ABCC6: variants seen among roughly 807,000 people sequenced by gnomAD.
ABCC6 encodes ATP binding cassette subfamily C member 6, also known as ATP-binding cassette sub-family C member 6.
A neutral mutation model predicts 169.5 loss-of-function variants in ABCC6; 126 were observed. The observed-to-expected ratio is 0.74, with a 90% CI of 0.64 to 0.86. The LOEUF (loss-of-function observed/expected upper bound fraction) is 0.86, where lower values mean the gene tolerates loss of function less well. ABCC6 is among the 40% of genes least tolerant of loss of function. The pLI is 0.00. For missense variants in ABCC6, 1,733 were observed against 1,927.2 expected (o/e 0.90, Z 1.89); for synonymous variants, 752 against 814.7 (o/e 0.92, Z 1.31).
chr16:16,178,175 A>C (rs1415209665), intron 18 of ABCC6, among the ~76,000 whole-genome samples: 2 of 151,846 alleles, frequency 1.3e-5, no homozygotes, highest in African/African-American at 2.4e-5. Context: ...AAAATACAAA[A>C]AATTAGCTGG....
intron 6 of ABCC6, among the ~76,000 whole-genome samples, chr16:16,211,429 A>C (rs558136916): frequency 1.4e-4 from 22 of 152,178 alleles, no homozygotes; most frequent in East Asian, 1.9e-4. Context: ...TTACCACTTA[A>C]ACTCATTATT....
intron 20 of ABCC6, among the ~76,000 whole-genome samples, chr16:16,174,444 C>T (rs913016508): frequency 2.0e-5 from 3 of 152,194 alleles, no homozygotes; most frequent in South Asian, 2.1e-4. Context: ...GCCCGATGTG[C>T]GGATCATTCT....
At chr16:16,192,670 G>T (rs938031963) in intron 11 of ABCC6, among the ~76,000 whole-genome samples, 160 bp downstream of exon 11, 1 of 152,130 alleles carries the variant, frequency 6.6e-6, no homozygotes, top group African/African-American at 2.4e-5. Flanking sequence ...GAGGATAGGG[G>T]GAGGGGGTGC....
chr16:16,211,189 G>A (rs2048605964), intron 6 of ABCC6, among the ~76,000 whole-genome samples: 1 of 151,974 alleles, frequency 6.6e-6, no homozygotes, highest in South Asian at 2.1e-4. Flanking sequence ...ATCACCTGAG[G>A]TCGGGAGTTT....
At chr16:16,182,364 T>C (rs754217289) in intron 17 of ABCC6, 48 bp downstream of exon 17, 1 of 1,609,796 alleles carries the variant, frequency 6.2e-7, no homozygotes, top group East Asian at 2.2e-5. Context: ...CCCAAATGAC[T>C]CCCAACTGCA....
chr16:16,201,291 G>A (rs549265875), intron 9 of ABCC6, among the ~76,000 whole-genome samples: 15 of 152,304 alleles, frequency 9.8e-5, no homozygotes, highest in African/African-American at 2.2e-4. Flanking sequence ...ACCCCAAGCA[G>A]TATTGTCTGG....
At chr16:16,220,666 C>T (rs2049040919) in intron 2 of ABCC6, among the ~76,000 whole-genome samples, 1 of 152,134 alleles carries the variant, frequency 6.6e-6, no homozygotes, top group Non-Finnish European at 1.5e-5. Flanking sequence ...CAGGCCAAGG[C>T]AGGCAGATCA....
In ABCC6 at chr16:16,157,700, A is replaced by C; in HGVS notation, c.3845T>G (p.Val1282Gly). ...LRYRPELPLA[V>G]QGVSFKIHAG... ...GTGGATCTTGAAGGACACGCCCTGC[A>C]CAGCCAGCGGGAGCTCAGGTCGGTA... Residue 1282 changes from valine (V) to glycine (G), a missense_variant, in exon 27 of 31, where the codon GTG becomes GGG. Val to Gly is a moderately radical substitution (Grantham distance 109). Around this residue, in one of 5 missense-constraint regions of ABCC6, gnomAD observed 1,601 missense variants for 1,635.5 expected, o/e 0.98. Coordinates refer to ENST00000205557, the MANE Select transcript of ABCC6 (RefSeq NM_001171.6). 1 of 1,613,852 alleles carries C rather than the reference A, an allele frequency of 6.2e-7. No homozygotes were observed. Among genetic ancestry groups the C allele is most frequent in the Non-Finnish European group, 8.5e-7 (1 of 1,180,008 alleles).
chr16:16,173,422 T>A lies in ABCC6; in HGVS notation c.2667-18A>T. Reference sequence around the variant, plus strand: ...TGATGGACCTGTCATTTAGAGGAAATGAAGACAAAGTCAGTATCTCTCCCA... The same window carrying A: ...TGATGGACCTGTCATTTAGAGGAAAAGAAGACAAAGTCAGTATCTCTCCCA... On this transcript the variant is annotated intron_variant, in intron 20 of 30. Transcript: ENST00000205557. 1 of 1,614,022 alleles carries A rather than the reference T, an allele frequency of 6.2e-7. No homozygotes were observed. Among genetic ancestry groups the A allele is most frequent in the Non-Finnish European group, 8.5e-7 (1 of 1,179,986 alleles).
In ABCC6 at chr16:16,223,385, TG is replaced by T; in HGVS notation, c.36+13del. ...CCTGGAAAAGGAGAGTGGGGCGCGA[TG>T]GGGGGCACTCACCCCCTGCCCCGCG... On this transcript the variant is annotated intron_variant, in intron 1 of 30. Transcript: ENST00000205557. 7.7e-7 allele frequency: 1 copy of T among 1,292,478 alleles called. No homozygotes were observed. The highest frequency in any genetic ancestry group is 1.1e-6 in the Non-Finnish European group (1 of 950,510). 80.1% of individuals were successfully genotyped at this position (1,292,478 alleles called of 1,614,324 possible).
At chr16:16,170,012 C>T (rs2047007123) in intron 21 of ABCC6, among the ~76,000 whole-genome samples, 159 bp from the exon 22 acceptor site, 1 of 152,176 alleles carries the variant, frequency 6.6e-6, no homozygotes, top group South Asian at 2.1e-4. Flanking sequence ...ACCAGAAGCA[C>T]CATTTCCCCG....
chr16:16,169,848 C>T lies in ABCC6; in HGVS notation c.2793G>A (p.Lys931=). ...GKDSIQYGRV[K]ATVHLAYLRA... is the part of the protein sequence containing the mutation. The stretch of plus-strand genomic sequence containing the variant: ...GCAGGTAGGCCAGGTGCACTGTGGC[C>T]TTCACCTGTAGCACACATGAGGGAG... Residue 931 remains lysine, a synonymous_variant, in exon 22 of 31, where the codon AAG becomes AAA. Coordinates refer to ENST00000205557, the MANE Select transcript of ABCC6 (RefSeq NM_001171.6). 6.4e-7 allele frequency: 1 copy of T among 1,553,052 alleles called. No individual in the cohort carries two copies. The highest frequency in any genetic ancestry group is 2.4e-5 in the East Asian group (1 of 41,116).
chr16:16,207,199 C>T (rs1395718380), intron 7 of ABCC6, among the ~76,000 whole-genome samples: 3 of 152,176 alleles, frequency 2.0e-5, no homozygotes, highest in African/African-American at 7.2e-5. Context: ...AAAACACATG[C>T]CCTTCCTTTG....
intron 4 of ABCC6, among the ~76,000 whole-genome samples, chr16:16,218,885 TTTTAGTAGAAA>T (rs1488406759): frequency 1.1e-4 from 7 of 64,806 alleles, no homozygotes; most frequent in East Asian, 4.4e-4. Flanking sequence ...TAGTAGAAAT[TTTTAGTAGAAA>T]TTTAGTAGAA....
chr16:16,171,910 G>A (rs1453532007), intron 21 of ABCC6, among the ~76,000 whole-genome samples: 21 of 26,484 alleles, frequency 7.9e-4, no homozygotes, highest in African/African-American at 2.2e-3. Context: ...TAAATGAATG[G>A]GTGGGTGGGT....
Position 16,213,476 on chromosome 16 carries a change from C to G in ABCC6, c.600+848G>C, listed in dbSNP as rs4238625. On this transcript the variant is annotated intron_variant, in intron 5 of 30. Coordinates refer to ENST00000205557, the MANE Select transcript of ABCC6 (RefSeq NM_001171.6). ...TTTCTTGATTTCACAGACTGCTTCA[C>G]TGTTACCTATTGTAAATCTCTCAAT... Among the ~76,000 whole-genome samples the G allele has an allele frequency of 1.3e-3, 205 of 151,866 alleles. No individual in the cohort carries two copies. The Middle Eastern group carries it at 0.024, about 18-fold the overall frequency.
rs775704936 is a variant in ABCC6 at position 16,169,822 on chromosome 16, C to T, written c.2819G>A (p.Arg940His). Residue 940 changes from arginine (R) to histidine (H), a missense_variant, in exon 22 of 31, where the codon CGT becomes CAT. Physicochemically the swap from Arg to His is conservative, Grantham distance 29. Transcript: ENST00000205557. ...GAGGCAGAGGGGGGTGCCCACGGCA[C>T]GCAGGTAGGCCAGGTGCACTGTGGC... ...VKATVHLAYL[R>H]AVGTPLCLYA... 1.3e-5 allele frequency: 20 copies of T among 1,559,914 alleles called. No homozygotes were observed. Among genetic ancestry groups the T allele is most frequent in the Non-Finnish European group, 1.6e-5 (19 of 1,152,198 alleles).
At chr16:16,219,412 G>A (rs2049000592) in intron 4 of ABCC6, 142 bp downstream of exon 4, 1 of 633,194 alleles carries the variant, frequency 1.6e-6, no homozygotes, top group Non-Finnish European at 2.7e-6. Flanking sequence ...AGTGGATTTT[G>A]TGTCTCTAGA....
At chr16:16,211,502 G>A (rs2048620332) in intron 6 of ABCC6, among the ~76,000 whole-genome samples, 1 of 152,176 alleles carries the variant, frequency 6.6e-6, no homozygotes, top group Non-Finnish European at 1.5e-5. Flanking sequence ...AACCCTATGA[G>A]CTAAGTGCTA....
Sources: allele counts gnomAD v4.1 joint callset (sites outside exome capture counted in the v4.1 genomes callset), GRCh38; gene constraint gnomAD v4.1.1; regional missense constraint gnomAD v4.1.1; transcripts MANE v1.5; gene names NCBI Gene and HGNC (gene_info 2026-07-23, HGNC 2026-07-21).